MYLK: variants seen among roughly 807,000 people sequenced by gnomAD.
The protein encoded by MYLK is myosin light chain kinase.
A neutral mutation model predicts 203.4 loss-of-function variants in MYLK; 106 were observed. The observed-to-expected ratio is 0.52, with a 90% CI of 0.45 to 0.61. MYLK has a LOEUF of 0.61. MYLK is among the 20% of genes least tolerant of loss of function. The pLI is 0.00. For synonymous variants in MYLK, 867 were observed against 959.5 expected, an observed-to-expected ratio of 0.90 and a Z score of 1.78; for missense variants, 2,072 against 2,442.3, an observed-to-expected ratio of 0.85 and a Z score of 3.20.
intron 16 of MYLK, among the ~76,000 whole-genome samples, chr3:123,705,734 C>T (rs1017639802): frequency 1.4e-4 from 21 of 152,188 alleles, no homozygotes; most frequent in Admixed American, 9.8e-4. Flanking sequence ...GCTCTGCCCC[C>T]ACCCCACCCT....
intron 4 of MYLK, among the ~76,000 whole-genome samples, chr3:123,759,132 T>C (rs1176457820): frequency 6.6e-6 from 1 of 152,182 alleles, no homozygotes; most frequent in African/African-American, 2.4e-5. Context: ...GCCAAAGACA[T>C]AGAATTTTAA....
intron 27 of MYLK, among the ~76,000 whole-genome samples, chr3:123,643,996 G>A (rs570109331): frequency 6.6e-6 from 1 of 152,328 alleles, no homozygotes; most frequent in South Asian, 2.1e-4. Flanking sequence ...GTAGGCCAGG[G>A]GCCTGAAGGA....
intron 22 of MYLK, among the ~76,000 whole-genome samples, chr3:123,665,217 A>G (rs2059696888): frequency 6.6e-6 from 1 of 152,212 alleles, no homozygotes; most frequent in Non-Finnish European, 1.5e-5. Context: ...CAAGTGCTCA[A>G]TAGCCCCATG....
intron 1 of MYLK, among the ~76,000 whole-genome samples, chr3:123,877,603 G>A (rs940839806): frequency 1.3e-5 from 2 of 152,158 alleles, no homozygotes; most frequent in African/African-American, 2.4e-5. Context: ...TAGCAACTGC[G>A]TTGATTGTAT....
chr3:123,700,510 A>G lies in MYLK; in HGVS notation c.2958T>C (p.Gly986=), dbSNP rs758026805. Residue 986 remains glycine, a synonymous_variant, in exon 18 of 34, where the codon GGT becomes GGC. Transcript: ENST00000360304. ...PATPDFRSVL[G]GKKKLPAENG... ...TCTCTGCTGGTAATTTCTTCTTGCCACCCAGCACTGAGCGAAAATCCGGGG... is the reference window on the plus strand; with the variant it reads ...TCTCTGCTGGTAATTTCTTCTTGCCGCCCAGCACTGAGCGAAAATCCGGGG... 1.9e-6 allele frequency: 3 copies of G among 1,612,942 alleles called. No homozygotes were observed. The highest frequency in any genetic ancestry group is 2.2e-5 in the South Asian group (2 of 90,946).
chr3:123,733,315 G>T (rs183307868), intron 10 of MYLK, among the ~76,000 whole-genome samples: 2 of 152,130 alleles, frequency 1.3e-5, no homozygotes, highest in African/African-American at 4.8e-5. Flanking sequence ...TGAATACAGC[G>T]TGATGGGCAA....
At chr3:123,658,671 G>C (rs1450149326) in intron 23 of MYLK, among the ~76,000 whole-genome samples, 1 of 152,116 alleles carries the variant, frequency 6.6e-6, no homozygotes, top group Non-Finnish European at 1.5e-5. Flanking sequence ...CTACCTCTTA[G>C]GGTTTTTGCA....
intron 3 of MYLK, among the ~76,000 whole-genome samples, chr3:123,825,531 G>A (rs905099019): frequency 7.9e-5 from 12 of 152,290 alleles, no homozygotes; most frequent in Admixed American, 5.9e-4. Context: ...AGAGCCACTG[G>A]AATTCACACA....
chr3:123,853,785 A>G (rs1041203402), intron 2 of MYLK, among the ~76,000 whole-genome samples: 3 of 152,168 alleles, frequency 2.0e-5, no homozygotes, highest in South Asian at 4.1e-4. Context: ...TTTTGCATGC[A>G]TGAGAAATGA....
intron 20 of MYLK, among the ~76,000 whole-genome samples, chr3:123,674,795 C>A (rs1560053741): frequency 1.3e-5 from 2 of 152,244 alleles, no homozygotes; most frequent in Admixed American, 6.5e-5. Flanking sequence ...CTTGCATATT[C>A]TTTGGGCAGG....
At chr3:123,664,449 G>T (rs1436093624) in intron 22 of MYLK, among the ~76,000 whole-genome samples, 191 bp from the exon 23 acceptor site, 1 of 151,234 alleles carries the variant, frequency 6.6e-6, no homozygotes, top group Non-Finnish European at 1.5e-5. Context: ...GCTTCCCTGA[G>T]GGTGCCAGGT....
chr3:123,643,597 G>A (rs2058909759), intron 27 of MYLK, among the ~76,000 whole-genome samples: 1 of 152,200 alleles, frequency 6.6e-6, no homozygotes, highest in Non-Finnish European at 1.5e-5. Flanking sequence ...GCTATGGGTG[G>A]AAAATATTGG....
At chr3:123,711,494 C>A (rs192087056) in intron 13 of MYLK, among the ~76,000 whole-genome samples, 10 of 152,254 alleles carry the variant, frequency 6.6e-5, no homozygotes, top group African/African-American at 2.4e-4. Flanking sequence ...GGGTGAACAG[C>A]CTTTCCTCAT....
At chr3:123,654,177 T>C (rs1391904631) in intron 24 of MYLK, among the ~76,000 whole-genome samples, 1 of 152,192 alleles carries the variant, frequency 6.6e-6, no homozygotes, top group Non-Finnish European at 1.5e-5. Context: ...AGACCTGCTC[T>C]ATGCATATTG....
intron 4 of MYLK, among the ~76,000 whole-genome samples, chr3:123,770,746 T>A (rs1405277337): frequency 1.3e-5 from 2 of 152,260 alleles, no homozygotes; most frequent in African/African-American, 4.8e-5. Flanking sequence ...AGGGCATATC[T>A]GTCTTCAAAT....
At chr3:123,641,711 T>TCCC (rs779611558) in intron 27 of MYLK, among the ~76,000 whole-genome samples, 2,640 of 150,402 alleles carry the variant, frequency 0.018, 74 homozygotes, top group African/African-American at 0.058. Flanking sequence ...CCTTCCTTCC[T>TCCC]TCCGTCCTTC....
chr3:123,765,387 C>T (rs1050343721), intron 4 of MYLK, among the ~76,000 whole-genome samples: 6 of 151,826 alleles, frequency 4.0e-5, no homozygotes, highest in African/African-American at 7.2e-5. Context: ...AAAAATTAGC[C>T]GGGGGTGGTG....
At chr3:123,627,785 G>A (rs77811382) in intron 30 of MYLK, among the ~76,000 whole-genome samples, 1 of 152,216 alleles carries the variant, frequency 6.6e-6, no homozygotes, top group South Asian at 2.1e-4. Flanking sequence ...ATTTCTGGTT[G>A]AAGAGAGGCT....
intron 3 of MYLK, chr3:123,831,323 G>T (rs2700350): frequency 3.2e-6 from 4 of 1,242,346 alleles, no homozygotes; most frequent in African/African-American, 3.1e-5. Context: ...CACCACCTTC[G>T]CCAGTTCAAG....
Sources: gnomAD v4.1 joint callset for allele counts (sites outside exome capture counted in the v4.1 genomes callset) on GRCh38, gnomAD v4.1.1 for gene constraint, MANE v1.5 for transcripts, NCBI Gene and HGNC (gene_info 2026-07-23, HGNC 2026-07-21) for gene names.